The following FTCDNL1 variants were observed in gnomAD, a reference collection of about 807,000 sequenced individuals.
The protein encoded by FTCDNL1 is formiminotransferase cyclodeaminase N-terminal like.
FTCDNL1 carries 11 observed loss-of-function variants against 5.9 expected under a neutral mutation model. That is an observed-to-expected ratio of 1.87 (90% confidence interval 1.18 to 3.10). The LOEUF (loss-of-function observed/expected upper bound fraction) is 3.10, where lower values mean the gene tolerates loss of function less well. Among genes scored for constraint, FTCDNL1 ranks in the 30% most tolerant of loss-of-function variants. The pLI is 0.00. For missense variants in FTCDNL1, 115 were observed against 65.5 expected (o/e 1.76, Z -2.61); for synonymous variants, 58 against 24.8 (o/e 2.34, Z -3.99).
chr2:199,750,323 G>A, the FTCDNL1 span, among the ~76,000 whole-genome samples: 3 of 150,652 alleles, frequency 2.0e-5, no homozygotes, highest in East Asian at 3.9e-4. Context: ...TCACCACTAC[G>A]CTCCAGCCTG....
chr2:199,847,657 C>T (rs2076766562), intron 2 of FTCDNL1, among the ~76,000 whole-genome samples: 1 of 152,202 alleles, frequency 6.6e-6, no homozygotes, highest in South Asian at 2.1e-4. Context: ...ATTTGAGCTG[C>T]TGCCACTAAT....
At chr2:199,718,420 C>A in the FTCDNL1 span, among the ~76,000 whole-genome samples, 2 of 152,170 alleles carry the variant, frequency 1.3e-5, no homozygotes, top group African/African-American at 4.8e-5. Context: ...GGTATAAATA[C>A]ACCACATATT....
At chr2:199,680,315 A>C in the FTCDNL1 span, among the ~76,000 whole-genome samples, 1 of 152,238 alleles carries the variant, frequency 6.6e-6, no homozygotes, top group Non-Finnish European at 1.5e-5. Flanking sequence ...CAAATCATAG[A>C]AGAAATGATA....
intron 3 of FTCDNL1, among the ~76,000 whole-genome samples, chr2:199,787,488 C>A (rs1415692066): frequency 6.6e-6 from 1 of 152,138 alleles, no homozygotes; most frequent in Admixed American, 6.5e-5. Flanking sequence ...CAAGCCTTGG[C>A]AACCTTAATT....
the FTCDNL1 span, among the ~76,000 whole-genome samples, chr2:199,719,621 TG>T: frequency 1.3e-4 from 19 of 146,006 alleles, 1 homozygote; most frequent in South Asian, 3.3e-3. Flanking sequence ...GTAGTATGTT[TG>T]TTTTTTTGTT....
At chr2:199,762,354 G>A (rs1166197799) in intron 3 of FTCDNL1, among the ~76,000 whole-genome samples, 1 of 152,128 alleles carries the variant, frequency 6.6e-6, no homozygotes, top group Non-Finnish European at 1.5e-5. Context: ...ACTCCAGCCT[G>A]GGCAACAAGA....
chr2:199,702,136 C>T, the FTCDNL1 span, among the ~76,000 whole-genome samples: 1 of 151,974 alleles, frequency 6.6e-6, no homozygotes, highest in South Asian at 2.1e-4. Flanking sequence ...GGGGCCTGCT[C>T]GAAGGTGGAG....
chr2:199,798,501 C>A (rs1043299093), intron 3 of FTCDNL1, among the ~76,000 whole-genome samples: 1 of 152,180 alleles, frequency 6.6e-6, no homozygotes, highest in Non-Finnish European at 1.5e-5. Context: ...GTCCTCAGAG[C>A]AATTTTAGAT....
the FTCDNL1 span, among the ~76,000 whole-genome samples, chr2:199,753,338 A>T: frequency 2.2e-4 from 33 of 152,174 alleles, no homozygotes; most frequent in Non-Finnish European, 4.0e-4. Context: ...AGGCAGGAAG[A>T]TCGAGAGGAG....
the FTCDNL1 span, among the ~76,000 whole-genome samples, chr2:199,715,220 T>TTA: frequency 3.3e-5 from 5 of 152,102 alleles, no homozygotes; most frequent in East Asian, 1.9e-4. Flanking sequence ...TTATTTTGTC[T>TTA]TATATATATA....
intron 3 of FTCDNL1, among the ~76,000 whole-genome samples, chr2:199,834,612 TC>T (rs1359525380): frequency 3.3e-5 from 5 of 152,156 alleles, no homozygotes; most frequent in Non-Finnish European, 7.3e-5. Context: ...GGTGGGGTAG[TC>T]CCAGCCGCCA....
rs1016844266 is a variant in FTCDNL1, at chr2:199,770,601, G to C, written c.212-9766C>G. ...AATACAATTTTCCTGAGCCCCCCAGGGCTGTTAGTTATTCATGCATTATCC... is the reference window on the plus strand; with the variant it reads ...AATACAATTTTCCTGAGCCCCCCAGCGCTGTTAGTTATTCATGCATTATCC... On this transcript the variant is annotated intron_variant, in intron 3 of 3. Transcript: ENST00000416668. Among the ~76,000 whole-genome samples the C allele has an allele frequency of 3.6e-4, 54 of 152,034 alleles. 1 individual carries two copies. Among genetic ancestry groups the C allele is most frequent in the African/African-American group, 1.3e-3 (54 of 41,404 alleles).
chr2:199,821,180 C>G (rs565367946), intron 3 of FTCDNL1, among the ~76,000 whole-genome samples: 1 of 152,144 alleles, frequency 6.6e-6, no homozygotes, highest in Admixed American at 6.5e-5. Context: ...GATGGAGTCT[C>G]GCTCTGTCGC....
At chr2:199,703,298 A>G in the FTCDNL1 span, among the ~76,000 whole-genome samples, 23 of 151,620 alleles carry the variant, frequency 1.5e-4, no homozygotes, top group Non-Finnish European at 2.1e-4. Flanking sequence ...TGTGCTGTCC[A>G]GTAAGGTAGG....
chr2:199,721,126 TTTTA>T, the FTCDNL1 span, among the ~76,000 whole-genome samples: 2 of 152,232 alleles, frequency 1.3e-5, no homozygotes, highest in South Asian at 4.1e-4. Context: ...TTAAATTTTA[TTTTA>T]TTTAAGTTCC....
downstream of FTCDNL1, among the ~76,000 whole-genome samples, chr2:199,807,089 G>A (rs1004040645): frequency 2.0e-5 from 3 of 152,162 alleles, no homozygotes; most frequent in Non-Finnish European, 2.9e-5. Context: ...CGTATGGGTC[G>A]GGGTATTTGT....
At chr2:199,721,004 C>A in the FTCDNL1 span, among the ~76,000 whole-genome samples, 1 of 152,176 alleles carries the variant, frequency 6.6e-6, no homozygotes, top group Non-Finnish European at 1.5e-5. Context: ...TAATCTATCT[C>A]CAGGTTTTCT....
chr2:199,832,004 A>C (rs1702403200), intron 3 of FTCDNL1, among the ~76,000 whole-genome samples: 1 of 152,170 alleles, frequency 6.6e-6, no homozygotes, highest in South Asian at 2.1e-4. Context: ...AATTTCATGG[A>C]GATACAGATA....
At chr2:199,829,696 T>C (rs1240707292) in intron 3 of FTCDNL1, among the ~76,000 whole-genome samples, 1 of 152,228 alleles carries the variant, frequency 6.6e-6, no homozygotes, top group East Asian at 1.9e-4. Context: ...TGCTTTTCTT[T>C]CTTTCAGGAG....
Sources: allele counts gnomAD v4.1 joint callset (sites outside exome capture counted in the v4.1 genomes callset), GRCh38; gene constraint gnomAD v4.1.1; transcripts MANE v1.5; gene names NCBI Gene and HGNC (gene_info 2026-07-23, HGNC 2026-07-21).